Variants in ZNF207 observed in about 807,000 individuals in gnomAD.
ZNF207 encodes the protein zinc finger protein 207, also known as BUB3-interacting and GLEBS motif-containing protein ZNF207.
Under a neutral mutation model 60.2 loss-of-function variants are expected in ZNF207, and 24 were observed. The ratio of observed to expected loss-of-function variants is 0.40; its 90% confidence interval spans 0.29 to 0.56. The LOEUF is 0.56. ZNF207 is among the 20% of genes least tolerant of loss of function. The pLI is 0.49. For synonymous variants in ZNF207, 236 were observed against 194.7 expected, an observed-to-expected ratio of 1.21 and a Z score of -1.77; for missense variants, 452 against 636.6, an observed-to-expected ratio of 0.71 and a Z score of 3.12.
chr17:32,357,345 A>ATTTTTTT (rs1232093255), intron 2 of ZNF207, among the ~76,000 whole-genome samples: 5 of 64,982 alleles, frequency 7.7e-5, no homozygotes, highest in African/African-American at 3.6e-4. Context: ...TATTATTATT[A>ATTTTTTT]TTATTATTTT....
chr17:32,375,356 A>C lies in ZNF207; in HGVS notation c.*5597A>C, dbSNP rs1255445645. On this transcript the variant is annotated 3_prime_UTR_variant, in exon 12 of 12. Coordinates refer to ENST00000394670, the MANE Select transcript of ZNF207 (RefSeq NM_001098507.2). ...TACCTACCATCCTGCAATATGCTGA[A>C]ATCTTTCTAAGTTGCTTATCTTAAT... The C allele has an allele frequency of 6.6e-6, 1 of 152,166 alleles. No individual in the cohort carries two copies. Among genetic ancestry groups the C allele is most frequent in the Non-Finnish European group, 1.5e-5 (1 of 68,020 alleles). The allele number at this position is 152,166 out of a possible 1,614,324, so 9.4% of individuals were successfully genotyped here.
At chr17:32,352,870 T>C (rs2041531801) in intron 2 of ZNF207, among the ~76,000 whole-genome samples, 1 of 152,224 alleles carries the variant, frequency 6.6e-6, no homozygotes, top group South Asian at 2.1e-4. Flanking sequence ...CAGAATTGTA[T>C]TTCATTTAAT....
At chr17:32,362,299 G>T (rs1157689980) in intron 6 of ZNF207, among the ~76,000 whole-genome samples, 4 of 152,088 alleles carry the variant, frequency 2.6e-5, no homozygotes, top group African/African-American at 4.8e-5. Flanking sequence ...GGGACTACAG[G>T]CGCACACTAC....
chr17:32,366,693 C>T lies in ZNF207; in HGVS notation c.857C>T (p.Thr286Ile). The T allele has an allele frequency of 1.2e-6, 2 of 1,610,962 alleles. No homozygotes were observed. Among genetic ancestry groups the T allele is most frequent in the Non-Finnish European group, 1.7e-6 (2 of 1,179,002 alleles). ...GGGACACCTGTCACAAGCTCAAGTA[C>T]AGCTTCATCCAATTCAGAAAGTCTG... ...QMGTPVTSSS[T>I]ASSNSESLSA... Residue 286 changes from threonine (T) to isoleucine (I), a missense_variant, in exon 9 of 12, where the codon ACA becomes ATA. Coordinates refer to ENST00000394670, the MANE Select transcript of ZNF207 (RefSeq NM_001098507.2).
chr17:32,351,508 C>T (rs77646194), intron 1 of ZNF207: 2 of 1,497,818 alleles, frequency 1.3e-6, no homozygotes, highest in Non-Finnish European at 1.8e-6. Flanking sequence ...AAAGTTTCAC[C>T]GACATCTCTG....
intron 6 of ZNF207, among the ~76,000 whole-genome samples, chr17:32,362,134 G>A (rs1402350241): frequency 2.7e-5 from 1 of 36,426 alleles, no homozygotes; most frequent in Non-Finnish European, 6.7e-5. Context: ...AAAAAAAAGT[G>A]TGTGTGTGTG....
intron 2 of ZNF207, among the ~76,000 whole-genome samples, chr17:32,355,506 T>C (rs1904454177): frequency 6.6e-6 from 1 of 152,208 alleles, no homozygotes; most frequent in African/African-American, 2.4e-5. Context: ...TTGAGGTCTA[T>C]TAAATATCCA....
chr17:32,351,358 A>G (rs2041504022), intron 1 of ZNF207: 1 of 845,078 alleles, frequency 1.2e-6, no homozygotes, highest in Non-Finnish European at 1.6e-6. Context: ...GATTCTAAAT[A>G]TTGCTAAATT....
chr17:32,379,976 C>G lies in ZNF207; in HGVS notation c.*10217C>G, dbSNP rs972844649. 1.1e-4 allele frequency: 16 copies of G among 152,084 alleles called. No individual in the cohort carries two copies. Among genetic ancestry groups the G allele is most frequent in the African/African-American group, 3.9e-4 (16 of 41,420 alleles). 9.4% of individuals were successfully genotyped at this position (152,084 alleles called of 1,614,324 possible). On this transcript the variant is annotated 3_prime_UTR_variant, in exon 12 of 12. Transcript: ENST00000394670. ...TGTTTCCTCCTGTGATCTTTCTGAA[C>G]CAATAATAAACAGTCAACTGTGATG...
intron 9 of ZNF207, among the ~76,000 whole-genome samples, chr17:32,367,295 A>T (rs1444158411): frequency 7.2e-6 from 1 of 137,968 alleles, no homozygotes; most frequent in Non-Finnish European, 1.6e-5. Context: ...AAAGAATACT[A>T]CTAAAGGATG....
At chr17:32,362,739 A>AT (rs2150796823) in intron 6 of ZNF207, 175 bp from the exon 7 acceptor site, 1 of 470,494 alleles carries the variant, frequency 2.1e-6, no homozygotes, top group East Asian at 3.3e-5. Context: ...TAGACAATTT[A>AT]TTTTGATAGG....
At chr17:32,361,572 ATGTG>A in intron 6 of ZNF207, 57 bp downstream of exon 6, 3 of 1,515,514 alleles carry the variant, frequency 2.0e-6, no homozygotes, top group Non-Finnish European at 2.7e-6. Context: ...TCATTTTTTT[ATGTG>A]TGTGTTTAAT....
chr17:32,373,100 A>G lies in ZNF207; in HGVS notation c.*3341A>G. Reference sequence around the variant, plus strand: ...TGATTTGAATACTTAGTATTTTAGTAGTGTCTCACACATTTGCCATTAGGT... The same window carrying G: ...TGATTTGAATACTTAGTATTTTAGTGGTGTCTCACACATTTGCCATTAGGT... On this transcript the variant is annotated 3_prime_UTR_variant, in exon 12 of 12. Transcript: ENST00000394670. 1 of 256,730 alleles carries G rather than the reference A, an allele frequency of 3.9e-6. No individual in the cohort carries two copies. Among genetic ancestry groups the G allele is most frequent in the Non-Finnish European group, 7.3e-6 (1 of 136,940 alleles). The allele number at this position is 256,730 out of a possible 1,614,324, so 15.9% of individuals were successfully genotyped here. A position where few individuals can be genotyped will look rare whatever the true frequency, so the allele number is the denominator to read the frequency against.
intron 8 of ZNF207, among the ~76,000 whole-genome samples, chr17:32,365,881 C>G (rs971942683): frequency 1.1e-4 from 16 of 152,098 alleles, no homozygotes; most frequent in Non-Finnish European, 2.1e-4. Context: ...TTGTCAGGCT[C>G]TGCCTCTAGT....
Position 32,375,912 on chromosome 17 carries a change from A to G in ZNF207, c.*6153A>G, listed in dbSNP as rs955091865. ...ACATTCCCCCAATTCCACTTATGCT[A>G]ACTGTCTCATGACAGTAAAGTTTAC... On this transcript the variant is annotated 3_prime_UTR_variant, in exon 12 of 12. Transcript: ENST00000394670. 6.6e-6 allele frequency: 1 copy of G among 152,080 alleles called. No individual in the cohort carries two copies. Among genetic ancestry groups the G allele is most frequent in the Non-Finnish European group, 1.5e-5 (1 of 67,908 alleles). 9.4% of individuals were successfully genotyped at this position (152,080 alleles called of 1,614,324 possible). A position where few individuals can be genotyped will look rare whatever the true frequency, so the allele number is the denominator to read the frequency against.
In ZNF207 at chr17:32,361,461, T is replaced by G; in HGVS notation, c.552-7T>G. 1.2e-6 allele frequency: 2 copies of G among 1,608,176 alleles called. No individual in the cohort carries two copies. Among genetic ancestry groups the G allele is most frequent in the Non-Finnish European group, 1.7e-6 (2 of 1,176,978 alleles). ...TTAGATTTTGATTTTGTCATACATT[T>G]TCACAGATTGCATCATCAGAGAAAA... On this transcript the variant is annotated splice_region_variant and splice_polypyrimidine_tract_variant and intron_variant, in intron 5 of 11. Coordinates refer to ENST00000394670, the MANE Select transcript of ZNF207 (RefSeq NM_001098507.2).
chr17:32,380,407 C>T lies in ZNF207; in HGVS notation c.*10648C>T, dbSNP rs984049545. On this transcript the variant is annotated 3_prime_UTR_variant, in exon 12 of 12. Coordinates refer to ENST00000394670, the MANE Select transcript of ZNF207 (RefSeq NM_001098507.2). ...TCTGGTTTTTTTATTTTGTATGGTG[C>T]TTTAAATACTAATTTTATATTTCAA... 7 of 152,054 alleles carry T rather than the reference C, an allele frequency of 4.6e-5. No homozygotes were observed. Among genetic ancestry groups the T allele is most frequent in the Non-Finnish European group, 8.8e-5 (6 of 68,004 alleles). 9.4% of individuals were successfully genotyped at this position (152,054 alleles called of 1,614,324 possible).
chr17:32,350,178 T>A lies in ZNF207; in HGVS notation c.-108T>A. 6.5e-7 allele frequency: 1 copy of A among 1,543,604 alleles called. No homozygotes were observed. Among genetic ancestry groups the A allele is most frequent in the Non-Finnish European group, 8.9e-7 (1 of 1,118,838 alleles). ...GGCCGTCGGCCATTTTGTGTCTGCTTCCTGTGGGACGTGGTGGTAGCCGTT... is the reference window on the plus strand; with the variant it reads ...GGCCGTCGGCCATTTTGTGTCTGCTACCTGTGGGACGTGGTGGTAGCCGTT... On this transcript the variant is annotated 5_prime_UTR_variant, in exon 1 of 12. Coordinates refer to ENST00000394670, the MANE Select transcript of ZNF207 (RefSeq NM_001098507.2).
At position 32,379,901 on chromosome 17, in the gene ZNF207, A is replaced by C. The variant is rs1905818182; in HGVS notation, c.*10142A>C. 1 of 152,170 alleles carries C rather than the reference A, an allele frequency of 6.6e-6. No homozygotes were observed. Among genetic ancestry groups the C allele is most frequent in the South Asian group, 2.1e-4 (1 of 4,836 alleles). The allele number at this position is 152,170 out of a possible 1,614,324, so 9.4% of individuals were successfully genotyped here. ...GGATTATTTTTTCCCTCTAGTTTTTAACTATATCCTAGATTAAAACCAGCA... is the reference window on the plus strand; with the variant it reads ...GGATTATTTTTTCCCTCTAGTTTTTCACTATATCCTAGATTAAAACCAGCA... On this transcript the variant is annotated 3_prime_UTR_variant, in exon 12 of 12. Coordinates refer to ENST00000394670, the MANE Select transcript of ZNF207 (RefSeq NM_001098507.2).
Sources: gnomAD v4.1 joint callset for allele counts (sites outside exome capture counted in the v4.1 genomes callset) on GRCh38, gnomAD v4.1.1 for gene constraint, MANE v1.5 for transcripts, NCBI Gene and HGNC (gene_info 2026-07-23, HGNC 2026-07-21) for gene names.